MSI2: variants seen among roughly 807,000 people sequenced by gnomAD.
MSI2 encodes RNA-binding protein Musashi homolog 2.
Under a neutral mutation model 45.6 loss-of-function variants are expected in MSI2, and 17 were observed. The observed-to-expected ratio is 0.37, with a 90% CI of 0.26 to 0.56. MSI2 has a LOEUF of 0.56. Ranked by LOEUF, MSI2 falls within the 20% of genes least tolerant of loss-of-function variation. The probability of loss-of-function intolerance (pLI) is 0.77; values close to 1 mark genes in which losing one functional copy is unlikely to be tolerated. For missense variants in MSI2, 293 were observed against 444.2 expected, an observed-to-expected ratio of 0.66 and a Z score of 3.06; for synonymous variants, 156 against 158.2, an observed-to-expected ratio of 0.99 and a Z score of 0.11.
rs1264959061 is a variant in MSI2 at position 57,382,547 on chromosome 17, G to T, written c.313-18832G>T. ...TGTGAGCAGTGGTCAGAGACATGTG[G>T]TTGGAGCATAGAGGGTAGACAGAAC... On this transcript the variant is annotated intron_variant, in intron 5 of 13. Coordinates refer to ENST00000284073, the MANE Select transcript of MSI2 (RefSeq NM_138962.4). Among the ~76,000 whole-genome samples, 6 of 152,306 alleles carry T rather than the reference G, an allele frequency of 3.9e-5. No individual in the cohort carries two copies. In the East Asian group the frequency reaches 1.2e-3, roughly 29 times the overall value.
chr17:57,621,019 A>G (rs1171260928), intron 9 of MSI2, among the ~76,000 whole-genome samples: 1 of 152,106 alleles, frequency 6.6e-6, no homozygotes, highest in Non-Finnish European at 1.5e-5. Flanking sequence ...GGGTCTATGG[A>G]CTCTCTAAGC....
intron 10 of MSI2, among the ~76,000 whole-genome samples, chr17:57,635,041 T>A (rs56023163): frequency 0.5 from 75,254 of 151,598 alleles, 19,750 homozygotes; most frequent in African/African-American, 0.63. Flanking sequence ...CAGATAAAAA[T>A]AAAGGATTTT....
chr17:57,289,616 T>C (rs1910234482), intron 5 of MSI2, among the ~76,000 whole-genome samples: 1 of 152,236 alleles, frequency 6.6e-6, no homozygotes, highest in Non-Finnish European at 1.5e-5. Flanking sequence ...TTCTAGGCCC[T>C]GATTAAAGGT....
intron 7 of MSI2, among the ~76,000 whole-genome samples, chr17:57,572,779 G>A (rs557452734): frequency 4.6e-5 from 7 of 152,302 alleles, no homozygotes; most frequent in South Asian, 2.1e-4. Context: ...TCGTCAGCAC[G>A]GCGCCACATT....
chr17:57,459,733 C>T (rs1245326705), intron 6 of MSI2, among the ~76,000 whole-genome samples: 1 of 152,102 alleles, frequency 6.6e-6, no homozygotes, highest in Non-Finnish European at 1.5e-5. Context: ...GTGACTCACG[C>T]CTCTAATCCT....
In MSI2 at chr17:57,675,135, C is replaced by G. The variant is rs1169448024; in HGVS notation, c.945+9C>G. ...TCGGCCACGGCATAGCTGTAAGTACCTGCCTTCCCCTGCCCTCCTGCCTCC... is the reference window on the plus strand; with the variant it reads ...TCGGCCACGGCATAGCTGTAAGTACGTGCCTTCCCCTGCCCTCCTGCCTCC... On this transcript the variant is annotated intron_variant, in intron 12 of 13. Coordinates refer to ENST00000284073, the MANE Select transcript of MSI2 (RefSeq NM_138962.4). 6.2e-7 allele frequency: 1 copy of G among 1,607,396 alleles called. No individual in the cohort carries two copies. The highest frequency in any genetic ancestry group is 1.7e-5 in the Admixed American group (1 of 59,678).
intron 5 of MSI2, among the ~76,000 whole-genome samples, chr17:57,366,694 C>T (rs1449952011): frequency 1.3e-5 from 2 of 152,214 alleles, no homozygotes; most frequent in African/African-American, 4.8e-5. Flanking sequence ...ATCATATTTA[C>T]TTATTTGTTT....
At chr17:57,502,514 C>G (rs571428732) in intron 6 of MSI2, among the ~76,000 whole-genome samples, 1 of 147,282 alleles carries the variant, frequency 6.8e-6, no homozygotes, top group South Asian at 2.2e-4. Context: ...AGTGTCAGAT[C>G]TACAGTAATT....
intron 5 of MSI2, chr17:57,279,129 A>C (rs1909174141): frequency 6.6e-6 from 1 of 152,356 alleles, no homozygotes; most frequent in African/African-American, 2.4e-5. Flanking sequence ...GCCAGTGAGC[A>C]CAACACAGGC....
At chr17:57,266,605 C>T (rs1907802383) in intron 5 of MSI2, 1 of 152,240 alleles carries the variant, frequency 6.6e-6, no homozygotes. Context: ...AGGTGATCCA[C>T]CTGCCTTGGC....
At chr17:57,309,039 C>T (rs1223277143) in intron 5 of MSI2, among the ~76,000 whole-genome samples, 2 of 152,180 alleles carry the variant, frequency 1.3e-5, no homozygotes, top group Non-Finnish European at 2.9e-5. Flanking sequence ...ATCACCTCCT[C>T]AGCTATTAGC....
At chr17:57,679,096 C>A (rs1014884696) in intron 13 of MSI2, among the ~76,000 whole-genome samples, 3 of 152,102 alleles carry the variant, frequency 2.0e-5, no homozygotes, top group African/African-American at 7.2e-5. Flanking sequence ...TAAAAGTTAT[C>A]GATGGGTATC....
intron 6 of MSI2, among the ~76,000 whole-genome samples, chr17:57,456,934 G>C (rs2085127541): frequency 6.6e-6 from 1 of 152,168 alleles, no homozygotes; most frequent in Non-Finnish European, 1.5e-5. Flanking sequence ...CATGCACCCG[G>C]GTCCTGTGGT....
intron 7 of MSI2, among the ~76,000 whole-genome samples, chr17:57,583,694 A>T (rs1335152288): frequency 6.6e-6 from 1 of 152,102 alleles, no homozygotes; most frequent in Non-Finnish European, 1.5e-5. Context: ...GGCTGGTCTC[A>T]AACTTCTGAG....
chr17:57,440,467 T>TGTGTGC (rs2084779162), intron 6 of MSI2, among the ~76,000 whole-genome samples: 4 of 140,286 alleles, frequency 2.9e-5, no homozygotes, highest in Non-Finnish European at 3.1e-5. Context: ...TGTGTGTGTG[T>TGTGTGC]AGCGTGGCTG....
At chr17:57,486,038 T>G (rs1015123430) in intron 6 of MSI2, among the ~76,000 whole-genome samples, 7 of 152,206 alleles carry the variant, frequency 4.6e-5, no homozygotes, top group Non-Finnish European at 1.0e-4. Context: ...CCAGGCTCAT[T>G]CCCTCAGTCA....
At chr17:57,376,738 G>C (rs574125773) in intron 5 of MSI2, among the ~76,000 whole-genome samples, 7 of 152,222 alleles carry the variant, frequency 4.6e-5, no homozygotes, top group African/African-American at 1.2e-4. Flanking sequence ...TTCCTCTTTT[G>C]GGAAAATATG....
chr17:57,648,132 CGTGTGTGTGTGTGTGTGTGTGT>C (rs765039915), intron 10 of MSI2, among the ~76,000 whole-genome samples: 5 of 116,182 alleles, frequency 4.3e-5, no homozygotes, highest in African/African-American at 1.7e-4. Flanking sequence ...CTGGCTAATT[CGTGTGTGTGTGTGTGTGTGTGT>C]GTGTGTGTGT....
chr17:57,610,925 G>C (rs2144540969), intron 8 of MSI2, among the ~76,000 whole-genome samples: 1 of 94,712 alleles, frequency 1.1e-5, no homozygotes, highest in East Asian at 2.7e-4. Flanking sequence ...GTTGGGGTGG[G>C]GGGTGTTGGC....
Sources: gnomAD v4.1 joint callset for allele counts (sites outside exome capture counted in the v4.1 genomes callset) on GRCh38, gnomAD v4.1.1 for gene constraint, MANE v1.5 for transcripts, NCBI Gene and HGNC (gene_info 2026-07-23, HGNC 2026-07-21) for gene names.